NCAM2: variants seen among roughly 807,000 people sequenced by gnomAD.
NCAM2 encodes the protein N-CAM-2.
Under a neutral mutation model 98.1 loss-of-function variants are expected in NCAM2, and 30 were observed. The observed-to-expected ratio is 0.31, with a 90% CI of 0.23 to 0.41. The LOEUF (loss-of-function observed/expected upper bound fraction) is 0.41. NCAM2 is among the 10% of genes least tolerant of loss of function. The pLI, the probability that NCAM2 is intolerant of heterozygous loss-of-function variation, is 1.00. For synonymous variants in NCAM2, 368 were observed against 342.4 expected (o/e 1.07, Z -0.83); for missense variants, 867 against 1,005.8 (o/e 0.86, Z 1.87).
intron 9 of NCAM2, among the ~76,000 whole-genome samples, chr21:21,379,683 G>A (rs1220704407): frequency 6.6e-6 from 1 of 151,954 alleles, no homozygotes; most frequent in Non-Finnish European, 1.5e-5. Flanking sequence ...CTATTTTGGT[G>A]AATAGACGAT....
intron 9 of NCAM2, among the ~76,000 whole-genome samples, chr21:21,395,186 T>A (rs1248531837): frequency 1.3e-5 from 2 of 152,030 alleles, no homozygotes; most frequent in Admixed American, 6.5e-5. Context: ...ACAAAAAAAA[T>A]TAGCTGGGCC....
intron 1 of NCAM2, among the ~76,000 whole-genome samples, chr21:21,248,821 T>C (rs552590355): frequency 5.5e-5 from 8 of 144,688 alleles, no homozygotes; most frequent in African/African-American, 2.0e-4. Context: ...AAAAAAAGAT[T>C]TATGAATTTC....
At chr21:21,079,731 T>G (rs535493781) in intron 1 of NCAM2, among the ~76,000 whole-genome samples, 2 of 152,252 alleles carry the variant, frequency 1.3e-5, no homozygotes, top group Admixed American at 1.3e-4. Context: ...TCTAAAAGAC[T>G]CATCTCCTTA....
At position 21,285,310 on chromosome 21, in the gene NCAM2, A is replaced by G. The variant is rs759882547; in HGVS notation, c.337+910A>G. Among the ~76,000 whole-genome samples the G allele has an allele frequency of 1.1e-4, 17 of 151,966 alleles. 1 individual carries two copies. The East Asian group carries it at 3.3e-3, about 29-fold the overall frequency. On this transcript the variant is annotated intron_variant, in intron 3 of 17. Coordinates refer to ENST00000400546, the MANE Select transcript of NCAM2 (RefSeq NM_004540.5). Reference sequence around the variant, plus strand: ...TTTTGTTTGTTATTCTAGAAATAGGATATGAAAAACAAAGTCGGAACATTC... The same window carrying G: ...TTTTGTTTGTTATTCTAGAAATAGGGTATGAAAAACAAAGTCGGAACATTC...
In NCAM2 at chr21:21,537,764, C is replaced by G. The variant is rs554893714; in HGVS notation, c.2403-82C>G. The G allele has an allele frequency of 4.9e-6, 3 of 610,166 alleles. No homozygotes were observed. The East Asian group carries it at 8.6e-5, about 17-fold the overall frequency. 37.8% of individuals were successfully genotyped at this position (610,166 alleles called of 1,614,324 possible). A position where few individuals can be genotyped will look rare whatever the true frequency, so the allele number is the denominator to read the frequency against. On this transcript the variant is annotated intron_variant, in intron 17 of 17. Coordinates refer to ENST00000400546, the MANE Select transcript of NCAM2 (RefSeq NM_004540.5). ...TAGCATATTATTGGAGCATATTTTC[C>G]TTACAAAACAGTAACTTAAAGGTTA... is the stretch of plus-strand genomic sequence containing the variant.
intron 1 of NCAM2, among the ~76,000 whole-genome samples, chr21:21,129,021 A>G (rs748368443): frequency 2.7e-5 from 4 of 150,930 alleles, no homozygotes; most frequent in Non-Finnish European, 5.9e-5. Context: ...AACAACAAAT[A>G]TTATCAAATT....
chr21:21,112,370 A>C (rs2066470513), intron 1 of NCAM2, among the ~76,000 whole-genome samples: 1 of 152,168 alleles, frequency 6.6e-6, no homozygotes, highest in Non-Finnish European at 1.5e-5. Flanking sequence ...GCAGTGTGAA[A>C]AAAGTAGCTA....
intron 9 of NCAM2, among the ~76,000 whole-genome samples, chr21:21,400,603 T>TG (rs2145870059): frequency 6.6e-6 from 1 of 151,534 alleles, no homozygotes; most frequent in East Asian, 1.9e-4. Flanking sequence ...AAAACTTTTT[T>TG]TTTTTTTTTT....
chr21:21,281,829 C>T (rs1323637629), intron 2 of NCAM2, among the ~76,000 whole-genome samples: 3 of 151,538 alleles, frequency 2.0e-5, no homozygotes, highest in Non-Finnish European at 4.4e-5. Context: ...TTGAGAATGA[C>T]ATGATTTATT....
At chr21:21,059,918 T>A (rs927099103) in intron 1 of NCAM2, among the ~76,000 whole-genome samples, 1 of 152,022 alleles carries the variant, frequency 6.6e-6, no homozygotes, top group Non-Finnish European at 1.5e-5. Context: ...GGTCTAGAAG[T>A]TAAAGGGCTG....
intron 9 of NCAM2, among the ~76,000 whole-genome samples, chr21:21,399,033 G>T (rs776947878): frequency 6.6e-6 from 1 of 152,140 alleles, no homozygotes; most frequent in Non-Finnish European, 1.5e-5. Context: ...AGGGTGAAGA[G>T]ATGGGGATTA....
chr21:21,351,136 A>AG (rs2075328330), intron 8 of NCAM2, among the ~76,000 whole-genome samples: 1 of 149,780 alleles, frequency 6.7e-6, no homozygotes, highest in Non-Finnish European at 1.5e-5. Context: ...AAAAAAAAAA[A>AG]AAAAAAGAAA....
chr21:21,194,094 C>G (rs997921973), intron 1 of NCAM2, among the ~76,000 whole-genome samples: 1 of 152,024 alleles, frequency 6.6e-6, no homozygotes. Flanking sequence ...TTAATCTTAT[C>G]GTTAGAAATA....
Position 21,280,574 on chromosome 21 carries a change from TCAGC to T in NCAM2, c.56-3_56del. ...CCATTAATTGTTTCCCAATTTTTTT[TCAGC>T]TCTTCTTCAAGTGACAATTTCACTT... is the stretch of plus-strand genomic sequence containing the variant. On this transcript the variant is annotated splice_acceptor_variant and splice_polypyrimidine_tract_variant and coding_sequence_variant and intron_variant, in exon 2 of 18. Transcript: ENST00000400546. LOFTEE classifies it high-confidence loss of function. 6.3e-7 allele frequency: 1 copy of T among 1,579,708 alleles called. No individual in the cohort carries two copies. The highest frequency in any genetic ancestry group is 1.4e-5 in the African/African-American group (1 of 73,502).
intron 1 of NCAM2, among the ~76,000 whole-genome samples, chr21:21,255,308 A>G (rs1393910141): frequency 1.3e-5 from 2 of 152,202 alleles, no homozygotes; most frequent in African/African-American, 2.4e-5. Flanking sequence ...AGAGACTGAA[A>G]TGTGCTTCTC....
At chr21:21,229,050 A>G (rs2070509737) in intron 1 of NCAM2, among the ~76,000 whole-genome samples, 1 of 151,462 alleles carries the variant, frequency 6.6e-6, no homozygotes, top group Non-Finnish European at 1.5e-5. Flanking sequence ...TTCTTGTGAA[A>G]TGGCTTTAGA....
intron 8 of NCAM2, among the ~76,000 whole-genome samples, chr21:21,350,861 G>T (rs1485532840): frequency 6.6e-6 from 1 of 151,284 alleles, no homozygotes; most frequent in African/African-American, 2.4e-5. Context: ...GCCGAGGCAG[G>T]TGGATCACGA....
At chr21:21,513,865 G>A (rs1479466220) in intron 16 of NCAM2, among the ~76,000 whole-genome samples, 1 of 151,908 alleles carries the variant, frequency 6.6e-6, no homozygotes, top group East Asian at 1.9e-4. Flanking sequence ...TATATATCAA[G>A]GTTTTCCAAT....
intron 5 of NCAM2, among the ~76,000 whole-genome samples, chr21:21,297,767 G>T (rs983865135): frequency 6.6e-6 from 1 of 151,598 alleles, no homozygotes. Context: ...GAAAGACCTG[G>T]AAATAACTTT....
Sources: allele counts gnomAD v4.1 joint callset (sites outside exome capture counted in the v4.1 genomes callset), GRCh38; gene constraint gnomAD v4.1.1; transcripts MANE v1.5; gene names NCBI Gene and HGNC (gene_info 2026-07-23, HGNC 2026-07-21).